TXLNG: variants seen among roughly 807,000 people sequenced by gnomAD.
TXLNG encodes taxilin gamma, also known as gamma-taxilin.
In TXLNG, 5 loss-of-function variants were observed where a neutral mutation model predicts 38.8. The observed-to-expected ratio is 0.13, with a 90% CI of 0.07 to 0.27. The LOEUF (loss-of-function observed/expected upper bound fraction) is 0.27, where lower values mean the gene tolerates loss of function less well. Among genes scored for constraint, TXLNG ranks in the 10% least tolerant of loss-of-function variants. The probability of loss-of-function intolerance (pLI) is 1.00; values close to 1 mark genes in which losing one functional copy is unlikely to be tolerated. For synonymous variants in TXLNG, 182 were observed against 158.2 expected (o/e 1.15, Z -1.13); for missense variants, 393 against 398.2 (o/e 0.99, Z 0.11).
chrX:16,825,885 G>A (rs1052380954), intron 3 of TXLNG, among the ~76,000 whole-genome samples: 1 of 112,179 alleles, frequency 8.9e-6, no homozygotes, highest in Non-Finnish European at 1.9e-5. Flanking sequence ...GCAGCTACAC[G>A]CCAACAATGT....
intron 3 of TXLNG, 49 bp from the exon 4 acceptor site, chrX:16,828,043 CTG>C (rs747659400): frequency 3.6e-6 from 4 of 1,101,631 alleles, no homozygotes; most frequent in Non-Finnish European, 4.9e-6. Flanking sequence ...CTAGCCATAA[CTG>C]TAAGATTTTT....
chrX:16,814,148 GATGA>G (rs1350089582), intron 1 of TXLNG, among the ~76,000 whole-genome samples: 2 of 111,976 alleles, frequency 1.8e-5, no homozygotes, highest in Non-Finnish European at 3.8e-5. Flanking sequence ...ATGTCCATCT[GATGA>G]ATGGATAAAT....
At chrX:16,829,291 A>T (rs777719159) in intron 4 of TXLNG, among the ~76,000 whole-genome samples, 4 of 111,898 alleles carry the variant, frequency 3.6e-5, no homozygotes, top group Non-Finnish European at 7.5e-5. Flanking sequence ...CCCATCTAAG[A>T]TGATGGCCTG....
intron 1 of TXLNG, among the ~76,000 whole-genome samples, chrX:16,795,401 G>A (rs1020163847): frequency 2.7e-5 from 3 of 112,660 alleles, no homozygotes; most frequent in Non-Finnish European, 3.8e-5. Flanking sequence ...GTCTAATATA[G>A]ATGTTACCAG....
chrX:16,834,250 T>G, intron 6 of TXLNG, 33 bp from the exon 7 acceptor site: 1 of 1,136,610 alleles, frequency 8.8e-7, no homozygotes. Flanking sequence ...GTAATTACCA[T>G]TAGCATTTTG....
At chrX:16,791,356 A>C (rs188469809) in intron 1 of TXLNG, among the ~76,000 whole-genome samples, 13 of 80,267 alleles carry the variant, frequency 1.6e-4, no homozygotes, top group Admixed American at 7.2e-4. Context: ...TCTGGTACAG[A>C]GATTAAGTAA....
At chrX:16,825,604 C>T (rs1354894914) in intron 3 of TXLNG, among the ~76,000 whole-genome samples, 1 of 111,707 alleles carries the variant, frequency 9.0e-6, no homozygotes, top group African/African-American at 3.3e-5. Context: ...AGTGCAGTGG[C>T]GCAATCATGG....
intron 7 of TXLNG, among the ~76,000 whole-genome samples, chrX:16,834,637 A>G (rs1602398520): frequency 9.0e-6 from 1 of 111,332 alleles, no homozygotes; most frequent in South Asian, 3.7e-4. Context: ...CGGTTAGTCA[A>G]CCTGTCTTCA....
intron 1 of TXLNG, among the ~76,000 whole-genome samples, chrX:16,801,182 A>T (rs1928074223): frequency 9.0e-6 from 1 of 110,962 alleles, no homozygotes; most frequent in African/African-American, 3.3e-5. Flanking sequence ...AGTCTCGGGC[A>T]TTCTTTTTTT....
At chrX:16,827,181 A>T (rs917396458) in intron 3 of TXLNG, among the ~76,000 whole-genome samples, 1 of 111,510 alleles carries the variant, frequency 9.0e-6, no homozygotes, top group Non-Finnish European at 1.9e-5. Context: ...GTGAGCCGAG[A>T]TTGTGCAACA....
At chrX:16,821,855 A>G (rs374924435) in intron 3 of TXLNG, among the ~76,000 whole-genome samples, 36 of 106,403 alleles carry the variant, frequency 3.4e-4, no homozygotes, top group African/African-American at 4.1e-4. Context: ...TTAGCCTGGC[A>G]TGGTGGCAGG....
At chrX:16,800,562 C>CTTTTT (rs747782846) in intron 1 of TXLNG, among the ~76,000 whole-genome samples, 3 of 68,238 alleles carry the variant, frequency 4.4e-5, no homozygotes, top group Non-Finnish European at 5.7e-5. Flanking sequence ...GAGGAGGAAA[C>CTTTTT]TTTTTTTTTT....
At chrX:16,798,391 C>A (rs1927961777) in intron 1 of TXLNG, among the ~76,000 whole-genome samples, 1 of 111,534 alleles carries the variant, frequency 9.0e-6, no homozygotes, top group Non-Finnish European at 1.9e-5. Context: ...TGTTTGCTTG[C>A]CTTGAAGTGG....
Position 16,835,028 on chromosome X carries a change from T to G in TXLNG, c.1059+671T>G, listed in dbSNP as rs780715173. On this transcript the variant is annotated intron_variant, in intron 7 of 9. Coordinates refer to ENST00000380122, the MANE Select transcript of TXLNG (RefSeq NM_018360.3). ...CCTGTAAGTGTGTCCTGCTGTGATC[T>G]CTCTCTGTGGTTGCCTTGTGTGGAA... Among the ~76,000 whole-genome samples, 3 of 105,891 alleles carry G rather than the reference T, an allele frequency of 2.8e-5. No homozygotes were observed. In the South Asian group the frequency reaches 1.3e-3, roughly 48 times the overall value. The allele number at this position is 105,891 out of a possible 115,157, so 92.0% of individuals were successfully genotyped here.
At chrX:16,819,541 C>A (rs1288834260) in intron 2 of TXLNG, among the ~76,000 whole-genome samples, 1 of 111,165 alleles carries the variant, frequency 9.0e-6, no homozygotes, top group Non-Finnish European at 1.9e-5. Context: ...GCCATTAGTC[C>A]CCTCCTAATC....
chrX:16,833,390 A>C (rs1169068267), intron 6 of TXLNG, among the ~76,000 whole-genome samples: 1 of 112,027 alleles, frequency 8.9e-6, no homozygotes, highest in African/African-American at 3.2e-5. Context: ...GCTTATCCAC[A>C]AGGGAGAAAT....
intron 1 of TXLNG, among the ~76,000 whole-genome samples, chrX:16,793,734 C>G (rs745335698): frequency 4.6e-5 from 5 of 109,090 alleles, no homozygotes; most frequent in Admixed American, 2.0e-4. Flanking sequence ...GCCTTGAACT[C>G]CTGGTCTCAA....
chrX:16,800,284 T>C (rs2147464636), intron 1 of TXLNG, among the ~76,000 whole-genome samples: 1 of 111,833 alleles, frequency 8.9e-6, no homozygotes, highest in Non-Finnish European at 1.9e-5. Flanking sequence ...AGACAGGGTC[T>C]CACTCTGTCA....
chrX:16,828,444 A>G (rs190668923), intron 4 of TXLNG, among the ~76,000 whole-genome samples, 180 bp downstream of exon 4: 15 of 112,004 alleles, frequency 1.3e-4, no homozygotes, highest in African/African-American at 4.5e-4. Context: ...AATTCTTTCT[A>G]CGTAAGTTTT....
Sources: allele counts gnomAD v4.1 joint callset (sites outside exome capture counted in the v4.1 genomes callset), GRCh38; gene constraint gnomAD v4.1.1; transcripts MANE v1.5; gene names NCBI Gene and HGNC (gene_info 2026-07-23, HGNC 2026-07-21).